ABCA12: variants seen among roughly 807,000 people sequenced by gnomAD.
The protein encoded by ABCA12 is ATP binding cassette subfamily A member 12.
In ABCA12, 156 loss-of-function variants were observed where a neutral mutation model predicts 293.5. The observed-to-expected ratio is 0.53, with a 90% confidence interval of 0.47 to 0.61. The LOEUF (loss-of-function observed/expected upper bound fraction) is 0.61, where lower values mean the gene tolerates loss of function less well. ABCA12 is among the 20% of genes least tolerant of loss of function. The probability of loss-of-function intolerance (pLI) is 0.00; values close to 1 mark genes in which losing one functional copy is unlikely to be tolerated. For missense variants in ABCA12, 2,797 were observed against 3,090.2 expected (o/e 0.91, Z 2.25); for synonymous variants, 1,063 against 1,108.0 (o/e 0.96, Z 0.81).
At chr2:215,071,990 G>A (rs967804383) in intron 2 of ABCA12, among the ~76,000 whole-genome samples, 3 of 152,164 alleles carry the variant, frequency 2.0e-5, no homozygotes, top group Admixed American at 6.5e-5. Flanking sequence ...TTCTCCCCAG[G>A]CAAGTCTTAC....
chr2:214,999,800 G>A (rs1430358371), intron 22 of ABCA12: 1 of 984,570 alleles, frequency 1.0e-6, no homozygotes. Context: ...GCTTCCTCAT[G>A]CTACTGTTGC....
In ABCA12 at chr2:215,073,413, T is replaced by C. The variant is rs112055476; in HGVS notation, c.164-9194A>G. ...ATTTAGCCTCCTAATTCTCCTTAGA[T>C]GCGGCTAACCAGGAAGATGGTTTTA... On this transcript the variant is annotated intron_variant, in intron 2 of 52. Transcript: ENST00000272895. Among the ~76,000 whole-genome samples the C allele has an allele frequency of 5.3e-3, 803 of 152,244 alleles. 14 individuals carry two copies. Among genetic ancestry groups the C allele is most frequent in the African/African-American group, 0.019 (780 of 41,534 alleles).
In ABCA12 at chr2:214,991,123, C is replaced by G. The variant is rs141450452; in HGVS notation, c.3295-92G>C. On this transcript the variant is annotated intron_variant, in intron 23 of 52. Transcript: ENST00000272895. ...TATTATGTCAAAATGTCATGATAGT[C>G]TCTCTGTATATGGAACTAGGCATTT... 45 of 1,151,630 alleles carry G rather than the reference C, an allele frequency of 3.9e-5. No individual in the cohort carries two copies. In the African/African-American group the frequency reaches 6.1e-4, roughly 16 times the overall value. The allele number at this position is 1,151,630 out of a possible 1,614,324, so 71.3% of individuals were successfully genotyped here. A position where few individuals can be genotyped will look rare whatever the true frequency, so the allele number is the denominator to read the frequency against.
rs182074082 is a variant in ABCA12, at chr2:215,123,702, T to C, written c.70-12012A>G. Among the ~76,000 whole-genome samples the C allele has an allele frequency of 3.5e-3, 528 of 152,364 alleles. 1 individual carries two copies. Among genetic ancestry groups the C allele is most frequent in the Non-Finnish European group, 5.9e-3 (399 of 68,030 alleles). On this transcript the variant is annotated intron_variant, in intron 1 of 52. Transcript: ENST00000272895. ...TACATTCTCATCAACAGAGTATGAA[T>C]GTTTTCTTTTCTCTGCATCCACACC...
intron 11 of ABCA12, chr2:215,022,076 A>T (rs1284739781): frequency 1.3e-5 from 2 of 152,188 alleles, no homozygotes; most frequent in Non-Finnish European, 2.9e-5. Context: ...TCTATATTAC[A>T]TTCTCCAGGG....
intron 2 of ABCA12, among the ~76,000 whole-genome samples, chr2:215,105,767 G>A (rs1254921320): frequency 6.6e-6 from 1 of 152,100 alleles, no homozygotes; most frequent in Non-Finnish European, 1.5e-5. Flanking sequence ...CATGCCAGCG[G>A]TTATGGGAGG....
At chr2:215,052,419 G>A (rs1017646791) in intron 5 of ABCA12, 68 bp downstream of exon 5, 2 of 1,299,166 alleles carry the variant, frequency 1.5e-6, no homozygotes, top group East Asian at 4.7e-5. Context: ...CTATTTGAGA[G>A]ATCCTTCTAT....
chr2:215,119,617 A>G (rs1390847636), intron 1 of ABCA12, among the ~76,000 whole-genome samples: 1 of 151,498 alleles, frequency 6.6e-6, no homozygotes, highest in Non-Finnish European at 1.5e-5. Flanking sequence ...GTTGGTTGTG[A>G]GTATGTCGCT....
At position 215,046,031 on chromosome 2, in the gene ABCA12, CACAA is replaced by C; in HGVS notation, c.694-20_694-17del. The stretch of plus-strand genomic sequence containing the variant: ...CACTGGATAGCTTAAAATATAAAAC[CACAA>C]ACAGAGCAAAATGAGACTTTAACAT... On this transcript the variant is annotated splice_polypyrimidine_tract_variant and intron_variant, in intron 6 of 52. Transcript: ENST00000272895. The C allele has an allele frequency of 6.2e-7, 1 of 1,611,948 alleles. No homozygotes were observed. Among genetic ancestry groups the C allele is most frequent in the Non-Finnish European group, 8.5e-7 (1 of 1,178,856 alleles).
Position 214,954,000 on chromosome 2 carries a change from G to A in ABCA12, c.6501C>T (p.Asp2167=), listed in dbSNP as rs143387234. The A allele has an allele frequency of 8.7e-3, 14,120 of 1,614,060 alleles. 94 individuals are homozygous for A. The highest frequency in any genetic ancestry group is 0.011 in the Non-Finnish European group (12,924 of 1,179,956). ...ATTCCACTCCATATGCTTTTAAGAAGTCTAGGACCGACTGTTGTTGAGAAA... is the reference window on the plus strand; with the variant it reads ...ATTCCACTCCATATGCTTTTAAGAAATCTAGGACCGACTGTTGTTGAGAAA... ...IELSQQQSVL[D]FLKAYGVEYP... is the part of the protein sequence containing the mutation. The change falls in exon 44 of 53, where the codon GAC becomes GAT. Residue 2167 remains aspartate, a synonymous_variant. Transcript: ENST00000272895.
chr2:215,026,599 G>C (rs546867389), intron 10 of ABCA12, among the ~76,000 whole-genome samples: 7 of 152,250 alleles, frequency 4.6e-5, no homozygotes, highest in Non-Finnish European at 7.4e-5. Flanking sequence ...ATTAAAGTTT[G>C]TCCAGGTGGC....
chr2:215,038,388 A>G (rs1359808694), intron 7 of ABCA12, among the ~76,000 whole-genome samples: 2 of 152,168 alleles, frequency 1.3e-5, no homozygotes, highest in Non-Finnish European at 2.9e-5. Context: ...TTTATGTTCT[A>G]TCCACTCTAT....
At chr2:215,019,141 G>T (rs1029546914) in intron 13 of ABCA12, among the ~76,000 whole-genome samples, 195 bp downstream of exon 13, 3 of 152,168 alleles carry the variant, frequency 2.0e-5, no homozygotes, top group Non-Finnish European at 2.9e-5. Flanking sequence ...AGATTTCCCT[G>T]TTTCATTCTC....
At chr2:215,073,549 G>T (rs1012244264) in intron 2 of ABCA12, among the ~76,000 whole-genome samples, 1 of 151,928 alleles carries the variant, frequency 6.6e-6, no homozygotes, top group African/African-American at 2.4e-5. Context: ...ACTATGCTGA[G>T]CCCCATCAGC....
chr2:214,939,993 A>G (rs1215959764), intron 50 of ABCA12, among the ~76,000 whole-genome samples: 6 of 152,166 alleles, frequency 3.9e-5, no homozygotes, highest in Non-Finnish European at 8.8e-5. Flanking sequence ...AGAACTTCCA[A>G]TACTATGTTG....
intron 6 of ABCA12, among the ~76,000 whole-genome samples, chr2:215,046,519 G>A (rs1559165057): frequency 2.0e-5 from 3 of 146,812 alleles, no homozygotes; most frequent in East Asian, 2.0e-4. Context: ...GTGTGTGTGT[G>A]TATATATATA....
At chr2:215,051,551 A>G (rs1166810297) in intron 5 of ABCA12, among the ~76,000 whole-genome samples, 2 of 151,558 alleles carry the variant, frequency 1.3e-5, no homozygotes, top group East Asian at 3.9e-4. Flanking sequence ...GACATGTCTC[A>G]TGATCAGATA....
chr2:215,044,199 C>T (rs531340494), intron 7 of ABCA12, among the ~76,000 whole-genome samples: 17 of 152,196 alleles, frequency 1.1e-4, no homozygotes, highest in African/African-American at 4.1e-4. Context: ...CAGCCTCATA[C>T]GGATCTACTG....
chr2:215,064,691 ACG>A (rs199562322), intron 2 of ABCA12, among the ~76,000 whole-genome samples: 3,197 of 110,054 alleles, frequency 0.029, 102 homozygotes, highest in African/African-American at 0.13. Flanking sequence ...CTTTTAATAC[ACG>A]CACACACACA....
Sources: gnomAD v4.1 joint callset for allele counts (sites outside exome capture counted in the v4.1 genomes callset) on GRCh38, gnomAD v4.1.1 for gene constraint, MANE v1.5 for transcripts, NCBI Gene and HGNC (gene_info 2026-07-23, HGNC 2026-07-21) for gene names.